TMEM209: variants seen among roughly 807,000 people sequenced by gnomAD.
The protein encoded by TMEM209 is testicular tissue protein Li 202.
TMEM209 carries 65 observed loss-of-function variants against 76.2 expected under a neutral mutation model. That is an observed-to-expected ratio of 0.85 (90% CI 0.70 to 1.05). TMEM209 has a LOEUF of 1.05. Ranked by LOEUF, TMEM209 falls within the 50% of genes least tolerant of loss-of-function variation. The pLI, the probability that TMEM209 is intolerant of heterozygous loss-of-function variation, is 0.00. For synonymous variants in TMEM209, 239 were observed against 237.6 expected (o/e 1.01, Z -0.06); for missense variants, 623 against 685.5 (o/e 0.91, Z 1.02).
At chr7:130,190,003 CAGGGGGATT>C (rs1797738411) in intron 6 of TMEM209, among the ~76,000 whole-genome samples, 1 of 152,046 alleles carries the variant, frequency 6.6e-6, no homozygotes, top group South Asian at 2.1e-4. Context: ...GTGGCGCGGG[CAGGGGGATT>C]AGCTCAAAGA....
At chr7:130,187,227 A>G (rs887580146) in intron 6 of TMEM209, among the ~76,000 whole-genome samples, 1 of 151,998 alleles carries the variant, frequency 6.6e-6, no homozygotes, top group Non-Finnish European at 1.5e-5. Flanking sequence ...TGAGCAACAG[A>G]GCTAGACTCT....
intron 6 of TMEM209, among the ~76,000 whole-genome samples, chr7:130,188,629 CTACTT>C (rs1797693471): frequency 1.4e-5 from 2 of 146,514 alleles, no homozygotes; most frequent in African/African-American, 5.0e-5. Context: ...AAGAAAATCT[CTACTT>C]TATAATCACC....
chr7:130,195,037 A>G (rs1280203376), intron 5 of TMEM209, among the ~76,000 whole-genome samples: 2 of 152,122 alleles, frequency 1.3e-5, no homozygotes, highest in Admixed American at 6.6e-5. Flanking sequence ...ATTTTTGCTT[A>G]CGGGCCATAA....
intron 1 of TMEM209, chr7:130,205,017 T>C (rs1798389424): frequency 3.3e-6 from 4 of 1,212,620 alleles, no homozygotes; most frequent in Non-Finnish European, 3.1e-6. Context: ...AAAACGTGCA[T>C]TGTTTTGGTC....
At chr7:130,198,093 A>C (rs1798052458) in intron 5 of TMEM209, among the ~76,000 whole-genome samples, 1 of 152,174 alleles carries the variant, frequency 6.6e-6, no homozygotes, top group Admixed American at 6.5e-5. Flanking sequence ...CCCCAACTTT[A>C]GATAACCACT....
intron 6 of TMEM209, 100 bp from the exon 7 acceptor site, chr7:130,185,467 C>A: frequency 1.0e-6 from 1 of 998,124 alleles, no homozygotes; most frequent in Non-Finnish European, 1.5e-6. Flanking sequence ...AATCAGAAGA[C>A]CAACCCTCAA....
intron 4 of TMEM209, 29 bp from the exon 5 acceptor site, chr7:130,202,120 G>T (rs751424851): frequency 6.4e-7 from 1 of 1,564,428 alleles, no homozygotes; most frequent in South Asian, 1.2e-5. Flanking sequence ...CAACATATGT[G>T]TATGTACCTT....
At chr7:130,179,073 C>T (rs903028037) in intron 9 of TMEM209, among the ~76,000 whole-genome samples, 1 of 152,094 alleles carries the variant, frequency 6.6e-6, no homozygotes, top group Non-Finnish European at 1.5e-5. Context: ...CAGGTGTTAG[C>T]CATCGTGCCT....
At chr7:130,172,998 CAA>C (rs67876495) in intron 13 of TMEM209, among the ~76,000 whole-genome samples, 190 of 86,634 alleles carry the variant, frequency 2.2e-3, no homozygotes, top group African/African-American at 6.9e-3. Flanking sequence ...GACTCTATCT[CAA>C]AAAAAAAAAA....
intron 3 of TMEM209, 122 bp from the exon 4 acceptor site, chr7:130,202,785 T>A: frequency 8.7e-7 from 1 of 1,154,170 alleles, no homozygotes; most frequent in Non-Finnish European, 1.2e-6. Flanking sequence ...AACTATAATT[T>A]AATGAATGTT....
intron 5 of TMEM209, among the ~76,000 whole-genome samples, chr7:130,199,463 G>A (rs1037717493): frequency 2.6e-5 from 4 of 152,016 alleles, no homozygotes; most frequent in African/African-American, 4.8e-5. Flanking sequence ...CTTGTGACCC[G>A]CCTGCCTCGG....
At chr7:130,185,724 C>T (rs1254821154) in intron 6 of TMEM209, among the ~76,000 whole-genome samples, 1 of 152,088 alleles carries the variant, frequency 6.6e-6, no homozygotes, top group Non-Finnish European at 1.5e-5. Flanking sequence ...CAAGCAAGTT[C>T]TTTATTTGAA....
At chr7:130,203,509 T>G (rs1798295992) in intron 3 of TMEM209, among the ~76,000 whole-genome samples, 1 of 152,194 alleles carries the variant, frequency 6.6e-6, no homozygotes, top group Non-Finnish European at 1.5e-5. Flanking sequence ...AAAGCGCATT[T>G]CAGGAGAGTA....
rs576219486 is a variant in TMEM209 at position 130,203,443 on chromosome 7, C to T, written c.199+345G>A. Among the ~76,000 whole-genome samples the T allele has an allele frequency of 5.9e-5, 9 of 152,258 alleles. No individual in the cohort carries two copies. In the East Asian group the frequency reaches 1.7e-3, roughly 29 times the overall value. On this transcript the variant is annotated intron_variant, in intron 3 of 14. Coordinates refer to ENST00000397622, the MANE Select transcript of TMEM209 (RefSeq NM_032842.4). Reference sequence around the variant, plus strand: ...GAAAGAATGTGAAAACTGAGGAAGGCATCAATGGAGCAGAAATCTGGGCTG... The same window carrying T: ...GAAAGAATGTGAAAACTGAGGAAGGTATCAATGGAGCAGAAATCTGGGCTG...
chr7:130,191,558 TCAAA>T (rs540541175), intron 6 of TMEM209, among the ~76,000 whole-genome samples: 8 of 151,840 alleles, frequency 5.3e-5, no homozygotes, highest in East Asian at 3.9e-4. Flanking sequence ...AAAGCAAGTC[TCAAA>T]CAAACAAACA....
intron 3 of TMEM209, among the ~76,000 whole-genome samples, chr7:130,203,452 A>T (rs1202418421): frequency 2.0e-5 from 3 of 152,236 alleles, no homozygotes; most frequent in African/African-American, 7.2e-5. Flanking sequence ...GCATCAATGG[A>T]GCAGAAATCT....
At chr7:130,185,113 G>C (rs1274344804) in intron 7 of TMEM209, 79 bp downstream of exon 7, 31 of 1,454,234 alleles carry the variant, frequency 2.1e-5, no homozygotes, top group Non-Finnish European at 2.2e-5. Context: ...GAAGATTACA[G>C]AAAAAATGTT....
intron 9 of TMEM209, among the ~76,000 whole-genome samples, chr7:130,180,708 A>AAC (rs1343472033): frequency 3.3e-5 from 5 of 152,210 alleles, no homozygotes; most frequent in Admixed American, 3.3e-4. Context: ...ATGACTGATA[A>AAC]ACACATGAGA....
intron 14 of TMEM209, among the ~76,000 whole-genome samples, chr7:130,170,167 G>A (rs1797022885): frequency 6.6e-6 from 1 of 152,106 alleles, no homozygotes; most frequent in African/African-American, 2.4e-5. Context: ...ATTCCTCCAG[G>A]GAACACAACT....
Sources: allele counts gnomAD v4.1 joint callset (sites outside exome capture counted in the v4.1 genomes callset), GRCh38; gene constraint gnomAD v4.1.1; transcripts MANE v1.5; gene names NCBI Gene and HGNC (gene_info 2026-07-23, HGNC 2026-07-21).